The following CREM variants were observed in gnomAD, a reference collection of about 807,000 sequenced individuals.
CREM encodes cAMP responsive element modulator, also known as cAMP-responsive element modulator.
In CREM, 13 loss-of-function variants were observed where a neutral mutation model predicts 37.3. The observed-to-expected ratio is 0.35, with a 90% CI of 0.23 to 0.55. CREM has a LOEUF of 0.55. Among genes scored for constraint, CREM ranks in the 20% least tolerant of loss-of-function variants. CREM has a pLI of 0.88. For missense variants in CREM, 296 were observed against 362.3 expected (o/e 0.82, Z 1.49); for synonymous variants, 124 against 120.2 (o/e 1.03, Z -0.21).
intron 2 of CREM, among the ~76,000 whole-genome samples, chr10:35,141,229 AACTCTCAATAAAT>A (rs1174830207): frequency 6.6e-6 from 1 of 152,250 alleles, no homozygotes; most frequent in African/African-American, 2.4e-5. Flanking sequence ...CCACATGGTA[AACTCTCAATAAAT>A]GATGGTTATA....
intron 6 of CREM, among the ~76,000 whole-genome samples, chr10:35,192,917 C>T (rs867512424): frequency 5.3e-5 from 8 of 152,288 alleles, no homozygotes; most frequent in Middle Eastern, 3.4e-3. Flanking sequence ...TTAATAGCTG[C>T]CTACCTCTCC....
intron 1 of CREM, among the ~76,000 whole-genome samples, chr10:35,131,281 C>G (rs771972784): frequency 4.6e-5 from 7 of 151,926 alleles, no homozygotes; most frequent in Non-Finnish European, 1.0e-4. Flanking sequence ...TAATATTTTC[C>G]CTGAGAATTT....
chr10:35,209,118 A>G (rs1035503196), intron 7 of CREM, among the ~76,000 whole-genome samples: 1 of 152,208 alleles, frequency 6.6e-6, no homozygotes, highest in African/African-American at 2.4e-5. Context: ...CCTGTCCTCT[A>G]TACCAGCATC....
Position 35,179,257 on chromosome 10 carries a change from G to A in CREM, c.390G>A (p.Gln130=). ...TGGCAGTACCAACTAGCATATATCA[G>A]ACTAGCACGGGGCAATACAGTATGT... ...ATMAVPTSIY[Q]TSTGQYIAIA... The change falls in exon 5 of 8, where the codon CAG becomes CAA. Residue 130 remains glutamine (Q), a synonymous_variant. Coordinates refer to ENST00000685392, the MANE Select transcript of CREM (RefSeq NM_183011.2). 1 of 1,614,128 alleles carries A rather than the reference G, an allele frequency of 6.2e-7. No individual in the cohort carries two copies. Among genetic ancestry groups the A allele is most frequent in the Non-Finnish European group, 8.5e-7 (1 of 1,180,006 alleles).
At chr10:35,204,917 A>G (rs1448126454) in intron 6 of CREM, among the ~76,000 whole-genome samples, 2 of 152,238 alleles carry the variant, frequency 1.3e-5, no homozygotes, top group Non-Finnish European at 2.9e-5. Flanking sequence ...GTAGCATTTC[A>G]CTTCTTATTC....
intron 2 of CREM, among the ~76,000 whole-genome samples, chr10:35,142,632 G>A (rs1321488121): frequency 6.6e-6 from 1 of 152,188 alleles, no homozygotes; most frequent in Admixed American, 6.5e-5. Flanking sequence ...TAGAGATGGG[G>A]TCTTGCTCTG....
intron 6 of CREM, among the ~76,000 whole-genome samples, chr10:35,203,325 C>T (rs144289237): frequency 6.6e-6 from 1 of 152,234 alleles, no homozygotes; most frequent in East Asian, 1.9e-4. Context: ...GGATTATAGG[C>T]GTGAGCCACC....
chr10:35,149,889 AACACACACACACAC>A lies in CREM; in HGVS notation c.168+1435_168+1448del, dbSNP rs55971717. 4.8e-3 allele frequency among the ~76,000 whole-genome samples: 533 copies of A among 111,924 alleles called. 4 individuals are homozygous for A. The highest frequency in any genetic ancestry group is 0.015 in the African/African-American group (449 of 29,596). The allele number at this position is 111,924 out of a possible 152,430, so 73.4% of individuals were successfully genotyped here. On this transcript the variant is annotated intron_variant, in intron 3 of 7. Transcript: ENST00000685392. ...TAGGTTAGGCCAGGCCTTTTGCTTAAACACACACACACACACACACACACACACACACACACACA... is the reference window on the plus strand; with the variant it reads ...TAGGTTAGGCCAGGCCTTTTGCTTAAACACACACACACACACACACACACA...
chr10:35,146,884 A>G (rs2092170565), intron 2 of CREM, among the ~76,000 whole-genome samples: 1 of 152,160 alleles, frequency 6.6e-6, no homozygotes, highest in South Asian at 2.1e-4. Flanking sequence ...GTAACTAATT[A>G]AATCTGGAAA....
chr10:35,209,411 A>C (rs1043332787), intron 7 of CREM: 30 of 966,458 alleles, frequency 3.1e-5, no homozygotes, highest in Non-Finnish European at 3.6e-5. Flanking sequence ...TTAATAGAAG[A>C]AACAGGTGTT....
chr10:35,127,240 G>T (rs955539610), intron 1 of CREM, 47 bp downstream of exon 1: 4 of 153,570 alleles, frequency 2.6e-5, no homozygotes, highest in Non-Finnish European at 4.4e-5. Flanking sequence ...AGCGGGCGAC[G>T]CGGCGCAGGA....
At chr10:35,142,015 T>C (rs1351856494) in intron 2 of CREM, among the ~76,000 whole-genome samples, 1 of 152,208 alleles carries the variant, frequency 6.6e-6, no homozygotes, top group African/African-American at 2.4e-5. Context: ...GTGACAGAGA[T>C]TAGTTACCAT....
rs60898349 is a variant in CREM at position 35,165,056 on chromosome 10, CAAA to C, written c.169-13813_169-13811del. Among the ~76,000 whole-genome samples, 366 of 74,872 alleles carry C rather than the reference CAAA, an allele frequency of 4.9e-3. 2 individuals carry two copies. The highest frequency in any genetic ancestry group is 0.018 in the African/African-American group (332 of 18,814). 49.1% of individuals were successfully genotyped at this position (74,872 alleles called of 152,430 possible). ...TGGGCCACAGAGCGAGGCTCCATCT[CAAA>C]AAAAAAAAAAAAAAAAAAAGAAAAG... is the stretch of plus-strand genomic sequence containing the variant. On this transcript the variant is annotated intron_variant, in intron 3 of 7. Transcript: ENST00000685392.
At chr10:35,164,060 G>T (rs1801024989) in intron 3 of CREM, among the ~76,000 whole-genome samples, 1 of 151,798 alleles carries the variant, frequency 6.6e-6, no homozygotes, top group Non-Finnish European at 1.5e-5. Context: ...TAAAAGTAGT[G>T]TTGAAGGTAT....
At chr10:35,197,416 CTTTATTTATTTATTTATTTATTTATTTA>C (rs202009348) in intron 6 of CREM, among the ~76,000 whole-genome samples, 8 of 142,774 alleles carry the variant, frequency 5.6e-5, no homozygotes, top group African/African-American at 2.0e-4. Context: ...TTTCATTTTA[CTTTATTTATTTATTTATTTATTTATTTA>C]TTTATTTATT....
At chr10:35,168,095 A>T (rs2093638693) in intron 3 of CREM, among the ~76,000 whole-genome samples, 1 of 152,196 alleles carries the variant, frequency 6.6e-6, no homozygotes, top group Non-Finnish European at 1.5e-5. Flanking sequence ...CATGATTTAT[A>T]ATCCTTTGGG....
intron 6 of CREM, among the ~76,000 whole-genome samples, chr10:35,190,679 T>C (rs76944230): frequency 6.6e-6 from 1 of 152,108 alleles, no homozygotes; most frequent in African/African-American, 2.4e-5. Context: ...ATTTTTTTTT[T>C]CTTGAGATGG....
intron 6 of CREM, among the ~76,000 whole-genome samples, chr10:35,202,708 C>T (rs1477304349): frequency 6.6e-6 from 1 of 152,152 alleles, no homozygotes; most frequent in Non-Finnish European, 1.5e-5. Context: ...TATACTAACT[C>T]CTGTTTCTGG....
At chr10:35,178,865 AT>A in intron 3 of CREM, 23 bp from the exon 4 acceptor site, 1 of 1,571,064 alleles carries the variant, frequency 6.4e-7, no homozygotes, top group Non-Finnish European at 8.7e-7. Context: ...TTTATGATAC[AT>A]TTCAGAAAAT....
Sources: allele counts gnomAD v4.1 joint callset (sites outside exome capture counted in the v4.1 genomes callset), GRCh38; gene constraint gnomAD v4.1.1; transcripts MANE v1.5; gene names NCBI Gene and HGNC (gene_info 2026-07-23, HGNC 2026-07-21).